NCKAP5: variants seen among roughly 807,000 people sequenced by gnomAD.
NCKAP5 encodes the protein nck-associated protein 5.
In NCKAP5, 92 loss-of-function variants were observed where a neutral mutation model predicts 167.0. That is an observed-to-expected ratio of 0.55 (90% CI 0.47 to 0.66). NCKAP5 has a LOEUF of 0.66. Ranked by LOEUF, NCKAP5 falls within the 30% of genes least tolerant of loss-of-function variation. NCKAP5 has a pLI of 0.00. For missense variants in NCKAP5, 2,378 were observed against 2,315.0 expected, an observed-to-expected ratio of 1.03 and a Z score of -0.56; for synonymous variants, 891 against 877.4, an observed-to-expected ratio of 1.02 and a Z score of -0.27.
chr2:133,152,374 G>A (rs188138995), intron 5 of NCKAP5, among the ~76,000 whole-genome samples: 1 of 152,216 alleles, frequency 6.6e-6, no homozygotes, highest in Non-Finnish European at 1.5e-5. Context: ...CTTTGTTGAA[G>A]ATTTTATGTA....
Position 133,051,789 on chromosome 2 carries a change from A to T in NCKAP5, c.342-57550T>A, listed in dbSNP as rs191282817. Among the ~76,000 whole-genome samples, 470 of 152,360 alleles carry T rather than the reference A, an allele frequency of 3.1e-3. 3 individuals carry two copies. Among genetic ancestry groups the T allele is most frequent in the African/African-American group, 0.01 (422 of 41,592 alleles). On this transcript the variant is annotated intron_variant, in intron 6 of 19. Coordinates refer to ENST00000409261, the MANE Select transcript of NCKAP5 (RefSeq NM_207363.3). ...AAGTTACTATCAAAAATGTTTAAGCATGGGTTCTAGAAAATGGTAGGCTCT... is the reference window on the plus strand; with the variant it reads ...AAGTTACTATCAAAAATGTTTAAGCTTGGGTTCTAGAAAATGGTAGGCTCT...
At chr2:132,962,603 TTG>T (rs2076548052) in intron 8 of NCKAP5, among the ~76,000 whole-genome samples, 1 of 152,054 alleles carries the variant, frequency 6.6e-6, no homozygotes, top group Non-Finnish European at 1.5e-5. Context: ...TTTTGTTTGT[TTG>T]TTTGTTTGTT....
At chr2:133,251,696 AATAT>A (rs1402113738) in intron 4 of NCKAP5, among the ~76,000 whole-genome samples, 1 of 152,230 alleles carries the variant, frequency 6.6e-6, no homozygotes, top group African/African-American at 2.4e-5. Flanking sequence ...ACTACTATGA[AATAT>A]ATGCATCTAA....
the NCKAP5 span, among the ~76,000 whole-genome samples, chr2:133,604,466 A>G: frequency 6.6e-6 from 1 of 152,028 alleles, no homozygotes; most frequent in South Asian, 2.1e-4. Flanking sequence ...TCGGCCTCCT[A>G]AAGTGCTGGA....
chr2:133,112,054 G>T lies in NCKAP5; in HGVS notation c.341+17924C>A, dbSNP rs534867385. 2.0e-5 allele frequency among the ~76,000 whole-genome samples: 3 copies of T among 152,284 alleles called. No homozygotes were observed. In the South Asian group the frequency reaches 6.2e-4, roughly 32 times the overall value. On this transcript the variant is annotated intron_variant, in intron 6 of 19. Coordinates refer to ENST00000409261, the MANE Select transcript of NCKAP5 (RefSeq NM_207363.3). ...TGCAAAATTCTCTGTAGAAGAAAAT[G>T]GGTAGACCAAGGGCAGTGCAACATA...
At chr2:133,635,934 T>C in the NCKAP5 span, among the ~76,000 whole-genome samples, 1 of 152,202 alleles carries the variant, frequency 6.6e-6, no homozygotes, top group Non-Finnish European at 1.5e-5. Flanking sequence ...GATTTTAATA[T>C]ACAGGCAGCA....
chr2:133,506,679 T>C (rs1035644360), intron 3 of NCKAP5, among the ~76,000 whole-genome samples: 9 of 152,224 alleles, frequency 5.9e-5, no homozygotes, highest in Admixed American at 5.9e-4. Context: ...CTAGTGGCAA[T>C]GACTCCCCAC....
intron 2 of NCKAP5, among the ~76,000 whole-genome samples, chr2:133,539,852 G>T (rs1358885671): frequency 6.6e-6 from 1 of 152,092 alleles, no homozygotes; most frequent in Non-Finnish European, 1.5e-5. Flanking sequence ...AAGAGATAAG[G>T]GCTGAGAAAT....
intron 6 of NCKAP5, among the ~76,000 whole-genome samples, chr2:133,044,710 T>C (rs1372952150): frequency 2.6e-5 from 4 of 152,132 alleles, no homozygotes; most frequent in Non-Finnish European, 5.9e-5. Context: ...CCCAGCAATT[T>C]CACTCCTACT....
At chr2:133,181,656 T>C (rs2084744286) in intron 5 of NCKAP5, among the ~76,000 whole-genome samples, 1 of 145,792 alleles carries the variant, frequency 6.9e-6, no homozygotes, top group Non-Finnish European at 1.5e-5. Context: ...TTCATGCCTG[T>C]AGTCCCAGCT....
At chr2:132,976,343 T>A (rs980656169) in intron 7 of NCKAP5, among the ~76,000 whole-genome samples, 1 of 151,832 alleles carries the variant, frequency 6.6e-6, no homozygotes, top group African/African-American at 2.4e-5. Context: ...GGCGGGTGGA[T>A]CATGAGGTCA....
At chr2:133,352,208 C>T (rs534327689) in intron 3 of NCKAP5, among the ~76,000 whole-genome samples, 1 of 152,268 alleles carries the variant, frequency 6.6e-6, no homozygotes, top group African/African-American at 2.4e-5. Context: ...TTTTATTTCT[C>T]CATAACTTTC....
chr2:133,600,553 A>G, the NCKAP5 span, among the ~76,000 whole-genome samples: 1 of 152,230 alleles, frequency 6.6e-6, no homozygotes, highest in South Asian at 2.1e-4. Flanking sequence ...CAGGGAGCCC[A>G]GGAGTTGTCT....
intron 2 of NCKAP5, among the ~76,000 whole-genome samples, chr2:133,522,647 T>C (rs574476201): frequency 1.3e-5 from 2 of 152,150 alleles, no homozygotes; most frequent in African/African-American, 4.8e-5. Flanking sequence ...TTTGTGAACA[T>C]ATAAAGAGCA....
chr2:133,574,565 G>A, the NCKAP5 span, among the ~76,000 whole-genome samples: 1 of 151,398 alleles, frequency 6.6e-6, no homozygotes, highest in Admixed American at 6.6e-5. Context: ...TGGCTCAGGG[G>A]TCTGCTGGAG....
At chr2:133,623,598 C>T in the NCKAP5 span, among the ~76,000 whole-genome samples, 1 of 150,670 alleles carries the variant, frequency 6.6e-6, no homozygotes, top group Non-Finnish European at 1.5e-5. Context: ...AACCACAATG[C>T]AATACCATCT....
At position 132,995,647 on chromosome 2, in the gene NCKAP5, AAAACAAAC is replaced by A. The variant is rs71398579; in HGVS notation, c.342-1416_342-1409del. 1.7e-3 allele frequency among the ~76,000 whole-genome samples: 251 copies of A among 143,996 alleles called. 2 individuals carry two copies. Among genetic ancestry groups the A allele is most frequent in the African/African-American group, 5.6e-3 (217 of 38,638 alleles). 94.5% of individuals were successfully genotyped at this position (143,996 alleles called of 152,430 possible). On this transcript the variant is annotated intron_variant, in intron 6 of 19. Coordinates refer to ENST00000409261, the MANE Select transcript of NCKAP5 (RefSeq NM_207363.3). ...GCCTGGGCGACAGAGACTCTATCTG[AAAACAAAC>A]AAACAAACAAACAAACAAACAAACA...
chr2:132,968,506 G>C (rs2076733866), intron 7 of NCKAP5, among the ~76,000 whole-genome samples: 1 of 152,128 alleles, frequency 6.6e-6, no homozygotes, highest in Admixed American at 6.5e-5. Flanking sequence ...GTTTCCCCCA[G>C]AGATAAGGTG....
intron 8 of NCKAP5, among the ~76,000 whole-genome samples, chr2:132,955,219 C>T (rs2076303165): frequency 6.6e-6 from 1 of 152,226 alleles, no homozygotes; most frequent in African/African-American, 2.4e-5. Context: ...GTTCCTCTCA[C>T]TGGCAAGGAG....
Sources: gnomAD v4.1 joint callset for allele counts (sites outside exome capture counted in the v4.1 genomes callset) on GRCh38, gnomAD v4.1.1 for gene constraint, MANE v1.5 for transcripts, NCBI Gene and HGNC (gene_info 2026-07-23, HGNC 2026-07-21) for gene names.